The following MCUB variants were observed in gnomAD, a reference collection of about 807,000 sequenced individuals.
MCUB encodes calcium uniporter regulatory subunit MCUb, mitochondrial.
In MCUB, 46 loss-of-function variants were observed where a neutral mutation model predicts 41.4. The ratio of observed to expected loss-of-function variants is 1.11; its 90% CI spans 0.88 to 1.42. MCUB has a LOEUF of 1.42. Ranked by LOEUF, MCUB falls within the 40% of genes most tolerant of loss-of-function variation. The probability of loss-of-function intolerance (pLI) is 0.00; values close to 1 mark genes in which losing one functional copy is unlikely to be tolerated. For missense variants in MCUB, 403 were observed against 404.9 expected, an observed-to-expected ratio of 1.00 and a Z score of 0.04; for synonymous variants, 148 against 148.2, an observed-to-expected ratio of 1.00 and a Z score of 0.01.
chr4:109,671,949 T>C (rs184970607), intron 4 of MCUB, among the ~76,000 whole-genome samples: 2 of 152,260 alleles, frequency 1.3e-5, no homozygotes, highest in Admixed American at 1.3e-4. Context: ...TTTTTGTTTC[T>C]CCTGATGTTT....
chr4:109,584,307 A>AT (rs1727252867), intron 1 of MCUB, among the ~76,000 whole-genome samples: 1 of 152,016 alleles, frequency 6.6e-6, no homozygotes, highest in African/African-American at 2.4e-5. Flanking sequence ...CCCCTTTATC[A>AT]TTTTTTATTG....
chr4:109,585,978 T>C (rs197234), intron 1 of MCUB, among the ~76,000 whole-genome samples: 54,310 of 152,058 alleles, frequency 0.36, 11,619 homozygotes, highest in South Asian at 0.55. Flanking sequence ...TTTCCTGAAT[T>C]TGAATGTTGT....
rs1396059724 is a variant in MCUB at position 109,682,752 on chromosome 4, C to T, written c.612+10C>T. The T allele has an allele frequency of 6.2e-7, 1 of 1,601,856 alleles. No homozygotes were observed. The highest frequency in any genetic ancestry group is 1.7e-5 in the Admixed American group (1 of 57,584). On this transcript the variant is annotated intron_variant, in intron 5 of 7. Transcript: ENST00000394650. ...GCAGCCCCTTGAACAGGTTAGGAAG[C>T]ATCACGGTTGAGTATATTTGAAAAT...
At chr4:109,673,444 C>T (rs906641578) in intron 4 of MCUB, among the ~76,000 whole-genome samples, 4 of 152,156 alleles carry the variant, frequency 2.6e-5, no homozygotes, top group Non-Finnish European at 5.9e-5. Flanking sequence ...AGGGCAGAAG[C>T]CTCCCTGGAG....
At chr4:109,617,853 C>T (rs1728165689) in intron 1 of MCUB, among the ~76,000 whole-genome samples, 1 of 152,026 alleles carries the variant, frequency 6.6e-6, no homozygotes, top group South Asian at 2.1e-4. Context: ...TCTTTTTATA[C>T]CTACTTTAGG....
intron 4 of MCUB, 28 bp downstream of exon 4, chr4:109,664,422 CT>C (rs11405576): frequency 0.12 from 71,305 of 602,524 alleles, 17 homozygotes; most frequent in East Asian, 0.19. Flanking sequence ...CCAACTATTA[CT>C]TTTTTTTTTT....
At chr4:109,683,310 T>C (rs1310770874) in intron 5 of MCUB, 5 of 152,254 alleles carry the variant, frequency 3.3e-5, no homozygotes, top group Admixed American at 3.3e-4. Context: ...TGGGAAGGTA[T>C]ATGTGTATCT....
chr4:109,648,524 CAGA>C (rs1371347468), intron 1 of MCUB: 6 of 387,770 alleles, frequency 1.5e-5, no homozygotes, highest in African/African-American at 1.3e-4. Flanking sequence ...CTGTCCAGAC[CAGA>C]AGAAGAAAAA....
intron 1 of MCUB, among the ~76,000 whole-genome samples, chr4:109,602,291 C>T (rs866711536): frequency 3.3e-5 from 5 of 152,162 alleles, no homozygotes; most frequent in Admixed American, 6.5e-5. Context: ...AAATCTTTGC[C>T]TGCTCCAGTG....
intron 1 of MCUB, among the ~76,000 whole-genome samples, chr4:109,605,401 A>T (rs992429371): frequency 6.6e-6 from 1 of 152,190 alleles, no homozygotes; most frequent in Non-Finnish European, 1.5e-5. Context: ...AATACTTGAT[A>T]TTATTTCAGT....
chr4:109,585,448 A>G (rs923272461), intron 1 of MCUB, among the ~76,000 whole-genome samples: 2 of 152,280 alleles, frequency 1.3e-5, no homozygotes, highest in East Asian at 3.9e-4. Flanking sequence ...GCCCTTTTAC[A>G]TTTAAGATTA....
intron 1 of MCUB, among the ~76,000 whole-genome samples, chr4:109,655,996 C>G (rs1275280325): frequency 6.6e-6 from 1 of 152,166 alleles, no homozygotes; most frequent in African/African-American, 2.4e-5. Flanking sequence ...TCTCAGGCCA[C>G]TCTGCCTTCT....
chr4:109,580,165 T>C (rs576773589), intron 1 of MCUB, among the ~76,000 whole-genome samples: 2 of 152,212 alleles, frequency 1.3e-5, no homozygotes, highest in East Asian at 3.9e-4. Flanking sequence ...TTGCTCGGAG[T>C]GATGGTTTCC....
At chr4:109,642,121 T>G (rs1016434259) in intron 1 of MCUB, among the ~76,000 whole-genome samples, 2 of 152,240 alleles carry the variant, frequency 1.3e-5, no homozygotes, top group Non-Finnish European at 2.9e-5. Flanking sequence ...CTGAAACATA[T>G]GATTTTGAAG....
chr4:109,595,163 A>G (rs936121800), intron 1 of MCUB, among the ~76,000 whole-genome samples: 17 of 151,980 alleles, frequency 1.1e-4, no homozygotes, highest in Admixed American at 3.9e-4. Context: ...ATAAATGAAG[A>G]CCATGCCTCA....
intron 4 of MCUB, among the ~76,000 whole-genome samples, chr4:109,665,794 GCTT>G (rs1158265722): frequency 6.6e-6 from 1 of 151,962 alleles, no homozygotes; most frequent in East Asian, 1.9e-4. Flanking sequence ...TTTCAGATTC[GCTT>G]CTTTCTTTCT....
intron 1 of MCUB, among the ~76,000 whole-genome samples, chr4:109,644,049 A>C (rs148206457): frequency 6.6e-6 from 1 of 152,176 alleles, no homozygotes; most frequent in Admixed American, 6.5e-5. Flanking sequence ...GGTACATTAT[A>C]TTCAGTGGAT....
intron 1 of MCUB, among the ~76,000 whole-genome samples, chr4:109,637,536 G>A (rs78364383): frequency 0.026 from 4,024 of 152,260 alleles, 194 homozygotes; most frequent in African/African-American, 0.093. Context: ...AGAAAATGTA[G>A]TGTACACACA....
chr4:109,630,982 T>G (rs894184678), intron 1 of MCUB, among the ~76,000 whole-genome samples: 3 of 152,208 alleles, frequency 2.0e-5, no homozygotes, highest in Admixed American at 2.0e-4. Context: ...AGCTTCACCA[T>G]TTCGCAGACC....
Sources: gnomAD v4.1 joint callset for allele counts (sites outside exome capture counted in the v4.1 genomes callset) on GRCh38, gnomAD v4.1.1 for gene constraint, MANE v1.5 for transcripts, NCBI Gene and HGNC (gene_info 2026-07-23, HGNC 2026-07-21) for gene names.